Variants in DTNB observed in about 807,000 individuals in gnomAD.
DTNB encodes the protein DTN-B.
In DTNB, 63 loss-of-function variants were observed where a neutral mutation model predicts 90.7. The ratio of observed to expected loss-of-function variants is 0.69; its 90% CI spans 0.57 to 0.86. The LOEUF is 0.86. Ranked by LOEUF, DTNB falls within the 40% of genes least tolerant of loss-of-function variation. DTNB has a pLI of 0.00. For synonymous variants in DTNB, 277 were observed against 286.7 expected (o/e 0.97, Z 0.34); for missense variants, 744 against 807.1 (o/e 0.92, Z 0.95).
chr2:25,452,056 G>C (rs1045735227), intron 11 of DTNB, among the ~76,000 whole-genome samples: 3 of 152,216 alleles, frequency 2.0e-5, no homozygotes, highest in Admixed American at 2.0e-4. Flanking sequence ...CTTAACACTG[G>C]CTAAGCAAAA....
chr2:25,615,301 G>C (rs900978235), intron 4 of DTNB, among the ~76,000 whole-genome samples: 1 of 152,042 alleles, frequency 6.6e-6, no homozygotes, highest in Non-Finnish European at 1.5e-5. Context: ...TAGTCCTTTT[G>C]GGTTTTTAAT....
chr2:25,599,061 C>G (rs2065254990), intron 5 of DTNB: 2 of 151,514 alleles, frequency 1.3e-5, no homozygotes, highest in Admixed American at 1.3e-4. Flanking sequence ...ATTGGAGACA[C>G]CAGCTAGGAA....
intron 16 of DTNB, among the ~76,000 whole-genome samples, chr2:25,414,788 G>A (rs927773835): frequency 4.6e-5 from 7 of 152,118 alleles, no homozygotes; most frequent in East Asian, 3.8e-4. Flanking sequence ...GGCTACAGGC[G>A]GGGGATGTAA....
chr2:25,525,514 T>C (rs2076927071), intron 9 of DTNB, among the ~76,000 whole-genome samples: 2 of 151,906 alleles, frequency 1.3e-5, no homozygotes, highest in African/African-American at 4.8e-5. Context: ...CACATGCCTG[T>C]AATCCCAGCT....
chr2:25,583,252 A>AAT (rs1368270736), intron 6 of DTNB, among the ~76,000 whole-genome samples: 2 of 141,106 alleles, frequency 1.4e-5, no homozygotes, highest in African/African-American at 5.4e-5. Flanking sequence ...GTCTCAAAAA[A>AAT]AAAAAAAAAA....
chr2:25,613,373 A>G (rs536408611), intron 4 of DTNB, among the ~76,000 whole-genome samples: 2 of 152,302 alleles, frequency 1.3e-5, no homozygotes, highest in African/African-American at 4.8e-5. Flanking sequence ...CTCAACAGTT[A>G]GTTTTTCAAC....
chr2:25,455,676 T>A (rs1463123020), intron 10 of DTNB, among the ~76,000 whole-genome samples, 182 bp from the exon 11 acceptor site: 4 of 152,198 alleles, frequency 2.6e-5, no homozygotes, highest in Non-Finnish European at 5.9e-5. Context: ...CAGGAATCCA[T>A]CTCTCAAATC....
At chr2:25,440,426 TAA>T (rs1485757830) in intron 12 of DTNB, among the ~76,000 whole-genome samples, 2 of 152,350 alleles carry the variant, frequency 1.3e-5, no homozygotes, top group South Asian at 2.1e-4. Flanking sequence ...GGAAAAATTA[TAA>T]AGAGAAATTT....
chr2:25,535,913 C>T (rs2079585727), intron 8 of DTNB, among the ~76,000 whole-genome samples: 1 of 137,762 alleles, frequency 7.3e-6, no homozygotes, highest in African/African-American at 2.8e-5. Flanking sequence ...ACCTCCCATT[C>T]GGGACAGCCA....
At chr2:25,433,746 A>G (rs1173843355) in intron 13 of DTNB, among the ~76,000 whole-genome samples, 164 bp downstream of exon 13, 1 of 152,082 alleles carries the variant, frequency 6.6e-6, no homozygotes, top group Non-Finnish European at 1.5e-5. Flanking sequence ...AGACAGACAC[A>G]AATCAGCGTC....
intron 19 of DTNB, among the ~76,000 whole-genome samples, chr2:25,380,539 G>A (rs1363764358): frequency 3.3e-5 from 5 of 152,178 alleles, no homozygotes; most frequent in Non-Finnish European, 7.4e-5. Context: ...TAAAAATTCA[G>A]GCATTCCCAC....
intron 12 of DTNB, among the ~76,000 whole-genome samples, chr2:25,436,375 A>T (rs6746082): frequency 6.6e-6 from 1 of 151,760 alleles, no homozygotes; most frequent in East Asian, 1.9e-4. Context: ...GCCAATGAAC[A>T]TGAGTAGGTG....
chr2:25,599,586 G>T (rs919990977), intron 5 of DTNB, among the ~76,000 whole-genome samples: 1 of 151,890 alleles, frequency 6.6e-6, no homozygotes, highest in Non-Finnish European at 1.5e-5. Context: ...CGTGATGCAC[G>T]CCTCGGCTTC....
chr2:25,619,821 C>G (rs1053258005), intron 4 of DTNB, among the ~76,000 whole-genome samples: 1 of 152,082 alleles, frequency 6.6e-6, no homozygotes, highest in African/African-American at 2.4e-5. Flanking sequence ...GTGGGCAGAT[C>G]AGGAGGTCAG....
At chr2:25,417,554 G>A (rs568701510) in intron 16 of DTNB, among the ~76,000 whole-genome samples, 116 of 152,282 alleles carry the variant, frequency 7.6e-4, no homozygotes, top group African/African-American at 2.6e-3. Context: ...GTGAGGTGTC[G>A]GGTGTTTCCA....
intron 9 of DTNB, among the ~76,000 whole-genome samples, chr2:25,492,235 C>G (rs1480547380): frequency 6.6e-6 from 1 of 152,180 alleles, no homozygotes; most frequent in African/African-American, 2.4e-5. Flanking sequence ...AAATGGCTCT[C>G]TGAACGTAAA....
chr2:25,408,952 A>G (rs1429097706), intron 16 of DTNB, among the ~76,000 whole-genome samples: 1 of 152,200 alleles, frequency 6.6e-6, no homozygotes, highest in Non-Finnish European at 1.5e-5. Flanking sequence ...GAAGATGCTG[A>G]GGTGAGGCAC....
At chr2:25,434,046 C>T in intron 12 of DTNB, 51 bp from the exon 13 acceptor site, 1 of 1,508,986 alleles carries the variant, frequency 6.6e-7, no homozygotes, top group Non-Finnish European at 9.1e-7. Flanking sequence ...TCCAAATATA[C>T]CCAGAGTTCT....
chr2:25,412,942 C>A (rs532915657), intron 16 of DTNB, among the ~76,000 whole-genome samples: 2 of 152,322 alleles, frequency 1.3e-5, no homozygotes, highest in South Asian at 4.1e-4. Context: ...TCTCTGGTGA[C>A]CCTAGTGTCC....
Sources: allele counts gnomAD v4.1 joint callset (sites outside exome capture counted in the v4.1 genomes callset), GRCh38; gene constraint gnomAD v4.1.1; transcripts MANE v1.5; gene names NCBI Gene and HGNC (gene_info 2026-07-23, HGNC 2026-07-21).